RNF213: variants seen among roughly 807,000 people sequenced by gnomAD.
RNF213 encodes E3 ubiquitin-protein ligase RNF213.
A neutral mutation model predicts 514.4 loss-of-function variants in RNF213; 341 were observed. The observed-to-expected ratio is 0.66, with a 90% CI of 0.61 to 0.73. RNF213 has a LOEUF of 0.73. Among genes scored for constraint, RNF213 ranks in the 30% least tolerant of loss-of-function variants. The probability of loss-of-function intolerance (pLI) is 0.00; values close to 1 mark genes in which losing one functional copy is unlikely to be tolerated. For synonymous variants in RNF213, 2,655 were observed against 2,658.2 expected (o/e 1.00, Z 0.04); for missense variants, 5,767 against 6,615.6 (o/e 0.87, Z 4.45).
rs1045398772 is a variant in RNF213 at position 80,389,463 on chromosome 17, G to T, written c.15195+96G>T. The T allele has an allele frequency of 8.1e-6, 9 of 1,107,322 alleles. No homozygotes were observed. The African/African-American group carries it at 1.4e-4, about 17-fold the overall frequency. The allele number at this position is 1,107,322 out of a possible 1,614,324, so 68.6% of individuals were successfully genotyped here. ...GAGCATTCAGGGAGTGCCACTCTAG[G>T]CGCTCCTGAAAAGGATGGGGAGACA... On this transcript the variant is annotated intron_variant, in intron 65 of 67. Transcript: ENST00000582970.
chr17:80,280,122 A>G (rs2044207506), intron 3 of RNF213, among the ~76,000 whole-genome samples: 1 of 152,102 alleles, frequency 6.6e-6, no homozygotes, highest in Non-Finnish European at 1.5e-5. Context: ...CCGTGAGCCC[A>G]CTCCTGCAGC....
Position 80,377,711 on chromosome 17 carries a change from G to A in RNF213, c.13511-51G>A, listed in dbSNP as rs750128814. 4.4e-6 allele frequency: 7 copies of A among 1,603,172 alleles called. No individual in the cohort carries two copies. The highest frequency in any genetic ancestry group is 6.0e-6 in the Non-Finnish European group (7 of 1,170,018). On this transcript the variant is annotated intron_variant, in intron 53 of 67. Transcript: ENST00000582970. This position sits in a 1 kb window ranked among gnomAD's most constrained non-coding sequence, Gnocchi z 4.1. ...GAGTTAGCTTTCCCTTTTCAATGTG[G>A]GTCATTGGGTGAAACCTCATTAGCC...
intron 49 of RNF213, 52 bp downstream of exon 49, chr17:80,373,217 C>T (rs1279923772): frequency 2.0e-6 from 3 of 1,536,114 alleles, no homozygotes; most frequent in Non-Finnish European, 2.6e-6. Flanking sequence ...CAGCCCCATA[C>T]ACCCCAAACC....
chr17:80,394,369 T>A lies in RNF213; in HGVS notation c.*871T>A, dbSNP rs923850448. On this transcript the variant is annotated 3_prime_UTR_variant, in exon 68 of 68. Coordinates refer to ENST00000582970, the MANE Select transcript of RNF213 (RefSeq NM_001256071.3). ...CAGTCTCAGTGTGCTCTCGCATGTA[T>A]GAATATCTAGTCCTTTCTGTGGTTC... is the stretch of plus-strand genomic sequence containing the variant. 6.6e-6 allele frequency: 1 copy of A among 152,240 alleles called. No homozygotes were observed. The highest frequency in any genetic ancestry group is 1.5e-5 in the Non-Finnish European group (1 of 68,038). 9.4% of individuals were successfully genotyped at this position (152,240 alleles called of 1,614,324 possible).
rs749686830 is a variant in RNF213 at position 80,288,344 on chromosome 17, C to T, written c.791C>T (p.Ala264Val). 17 of 1,612,400 alleles carry T rather than the reference C, an allele frequency of 1.1e-5. 1 individual carries two copies. In the South Asian group the frequency reaches 1.9e-4, roughly 18 times the overall value. Reference sequence around the variant, plus strand: ...GAACTGCAGACCACCGAGCAACAGGCAGGGGCCTCAGCCTCTATGGTGAGT... The same window carrying T: ...GAACTGCAGACCACCGAGCAACAGGTAGGGGCCTCAGCCTCTATGGTGAGT... Reference protein sequence around the residue: ...GTELQTTEQQAGASASMAVDA... With the variant: ...GTELQTTEQQVGASASMAVDA... Residue 264 changes from alanine (A) to valine (V), a missense_variant, in exon 4 of 68, where the codon GCA becomes GTA. Transcript: ENST00000582970. The surrounding 1 kb of genome is among the most constrained non-coding windows in gnomAD (Gnocchi z 4.9).
At chr17:80,384,990 AT>A (rs767338759) in intron 59 of RNF213, 48 bp from the exon 60 acceptor site, 9 of 1,608,254 alleles carry the variant, frequency 5.6e-6, no homozygotes, top group Admixed American at 3.3e-5. Context: ...CCCCAATAAC[AT>A]TTTTTAGGTA....
chr17:80,288,776 C>G lies in RNF213; in HGVS notation c.933+21C>G. On this transcript the variant is annotated intron_variant, in intron 5 of 67. Coordinates refer to ENST00000582970, the MANE Select transcript of RNF213 (RefSeq NM_001256071.3). This position sits in a 1 kb window ranked among gnomAD's most constrained non-coding sequence, Gnocchi z 4.9. ...GCCAGGTGCGTCTCCTTCCTGCCTG[C>G]CGGCTCCAGGAGGCCCTCTCCTGCC... 6.2e-7 allele frequency: 1 copy of G among 1,613,944 alleles called. No homozygotes were observed. The highest frequency in any genetic ancestry group is 8.5e-7 in the Non-Finnish European group (1 of 1,180,042).
chr17:80,384,727 T>C (rs2080164432), intron 59 of RNF213: 1 of 412,750 alleles, frequency 2.4e-6, no homozygotes, highest in African/African-American at 2.0e-5. Context: ...GCAGCTTCTC[T>C]CCGTACCCAG....
At chr17:80,283,382 G>A (rs1197854355) in intron 3 of RNF213, among the ~76,000 whole-genome samples, 1 of 152,234 alleles carries the variant, frequency 6.6e-6, no homozygotes, top group Non-Finnish European at 1.5e-5. Flanking sequence ...TTGAAAAGAG[G>A]TTCTGGGATG....
intron 2 of RNF213, among the ~76,000 whole-genome samples, chr17:80,270,430 A>C (rs2145124738): frequency 6.6e-6 from 1 of 152,278 alleles, no homozygotes; most frequent in Non-Finnish European, 1.5e-5. Flanking sequence ...AATCTCTTCA[A>C]ATCCCCTGCA....
chr17:80,318,038 T>C (rs2046004823), intron 16 of RNF213, among the ~76,000 whole-genome samples: 2 of 152,116 alleles, frequency 1.3e-5, no homozygotes, highest in South Asian at 4.1e-4. Flanking sequence ...TCTGGCTGGC[T>C]CTTCCCTGAA....
At chr17:80,383,463 T>C (rs533321341) in intron 58 of RNF213, among the ~76,000 whole-genome samples, 8 of 152,304 alleles carry the variant, frequency 5.3e-5, no homozygotes, top group African/African-American at 1.4e-4. Context: ...AAGAGAAATA[T>C]AGGTTTCTGA....
In RNF213 at chr17:80,345,332, A is replaced by T. The variant is rs1390295377; in HGVS notation, c.6997A>T (p.Ile2333Phe). Residue 2333 changes from isoleucine to phenylalanine, a missense_variant, in exon 29 of 68, where the codon ATC becomes TTC. Ile to Phe is a conservative substitution (Grantham distance 21). Transcript: ENST00000582970. The surrounding 1 kb of genome is among the most constrained non-coding windows in gnomAD (Gnocchi z 6.0). ...QPNINGSVDAISHLTGKVIKR... is the reference protein window; with the variant it reads ...QPNINGSVDAFSHLTGKVIKR... ...CAACATCAACGGCAGTGTCGATGCC[A>T]TCAGTCACTTGACTGGGAAGGTCAT... is the stretch of plus-strand genomic sequence containing the variant. 6.2e-7 allele frequency: 1 copy of T among 1,613,978 alleles called. No homozygotes were observed. The highest frequency in any genetic ancestry group is 8.5e-7 in the Non-Finnish European group (1 of 1,180,040).
Position 80,291,786 on chromosome 17 carries a change from A to G in RNF213, c.1430A>G (p.Asn477Ser). 1 of 1,614,210 alleles carries G rather than the reference A, an allele frequency of 6.2e-7. No individual in the cohort carries two copies. The highest frequency in any genetic ancestry group is 8.5e-7 in the Non-Finnish European group (1 of 1,180,050). ...KHQQKKGEYV[N>S]RCLFIKSSLL... ...CAGCAGAAGAAGGGCGAGTACGTCA[A>G]CCGCTGTCTGTTCATAAAATCTTCA... Residue 477 changes from asparagine to serine, a missense_variant, in exon 8 of 68, where the codon AAC (asparagine) becomes AGC (serine). Around this residue, in one of 13 missense-constraint regions of RNF213, gnomAD observed 592 missense variants for 673.9 expected, o/e 0.88. Transcript: ENST00000582970.
At chr17:80,325,797 A>G (rs2046264447) in intron 18 of RNF213, among the ~76,000 whole-genome samples, 2 of 152,056 alleles carry the variant, frequency 1.3e-5, no homozygotes, top group African/African-American at 4.8e-5. Flanking sequence ...TTTCAGTGAG[A>G]AGGCGCTGGA....
chr17:80,385,025 C>T lies in RNF213; in HGVS notation c.14323-14C>T. 6.2e-7 allele frequency: 1 copy of T among 1,614,150 alleles called. No individual in the cohort carries two copies. Among genetic ancestry groups the T allele is most frequent in the Non-Finnish European group, 8.5e-7 (1 of 1,179,984 alleles). ...TAAATAAAAATTGTTACTGGGTGGT[C>T]TTCCCTTCTCCAGGAAGCAGAGCTG... On this transcript the variant is annotated splice_polypyrimidine_tract_variant and intron_variant, in intron 59 of 67. Coordinates refer to ENST00000582970, the MANE Select transcript of RNF213 (RefSeq NM_001256071.3).
rs2078604256 is a variant in RNF213, at chr17:80,353,390, C to G, written c.10424-122C>G. The G allele has an allele frequency of 8.6e-7, 1 of 1,163,180 alleles. No individual in the cohort carries two copies. Among genetic ancestry groups the G allele is most frequent in the Non-Finnish European group, 1.3e-6 (1 of 799,522 alleles). 72.1% of individuals were successfully genotyped at this position (1,163,180 alleles called of 1,614,324 possible). ...GATCTCTCATCTGGGGACCTAGCAC[C>G]ACAGCAGGGGCCGGGGAAGCCTGCA... On this transcript the variant is annotated intron_variant, in intron 33 of 67. Transcript: ENST00000582970. This position sits in a 1 kb window ranked among gnomAD's most constrained non-coding sequence, Gnocchi z 5.0.
chr17:80,352,613 C>G, intron 32 of RNF213: 1 of 584,038 alleles, frequency 1.7e-6, no homozygotes, highest in South Asian at 2.2e-5. Context: ...TGTCCCCCAC[C>G]CCTCACTAAC....
intron 49 of RNF213, among the ~76,000 whole-genome samples, chr17:80,373,378 G>A (rs982205210): frequency 6.7e-5 from 10 of 150,084 alleles, no homozygotes; most frequent in African/African-American, 2.0e-4. Flanking sequence ...TCCGCGTTCC[G>A]CCTGCCCTTA....
Sources: gnomAD v4.1 joint callset for allele counts (sites outside exome capture counted in the v4.1 genomes callset) on GRCh38, gnomAD v4.1.1 for gene constraint, gnomAD v4.1.1 regional missense constraint, Gnocchi (gnomAD v3.1) non-coding constraint, MANE v1.5 for transcripts, NCBI Gene and HGNC (gene_info 2026-07-23, HGNC 2026-07-21) for gene names.